The following MPP7 variants were observed in gnomAD, a reference collection of about 807,000 sequenced individuals.
MPP7 encodes the protein MAGUK p55 subfamily member 7.
In MPP7, 60 loss-of-function variants were observed where a neutral mutation model predicts 76.5. That is an observed-to-expected ratio of 0.78 (90% CI 0.64 to 0.97). MPP7 has a LOEUF of 0.97. Among genes scored for constraint, MPP7 ranks in the 50% least tolerant of loss-of-function variants. The probability of loss-of-function intolerance (pLI) is 0.00; values close to 1 mark genes in which losing one functional copy is unlikely to be tolerated. For missense variants in MPP7, 641 were observed against 694.0 expected, an observed-to-expected ratio of 0.92 and a Z score of 0.86; for synonymous variants, 237 against 244.5, an observed-to-expected ratio of 0.97 and a Z score of 0.29.
chr10:28,193,743 C>A (rs73608066), intron 3 of MPP7, among the ~76,000 whole-genome samples: 2,890 of 151,778 alleles, frequency 0.019, 89 homozygotes, highest in African/African-American at 0.066. Context: ...TAAAAATAAG[C>A]AAAAAATCTG....
intron 2 of MPP7, among the ~76,000 whole-genome samples, chr10:28,318,738 A>G (rs1036121047): frequency 3.3e-5 from 5 of 152,320 alleles, no homozygotes; most frequent in African/African-American, 1.2e-4. Flanking sequence ...AAGTACTCTT[A>G]GATACATAGC....
intron 1 of MPP7, among the ~76,000 whole-genome samples, chr10:28,246,390 TAAAC>T (rs1249128029): frequency 1.3e-5 from 2 of 151,954 alleles, no homozygotes; most frequent in African/African-American, 2.4e-5. Context: ...CCTTCCCAAA[TAAAC>T]AAAAGCTGAG....
At chr10:28,233,355 G>A (rs748563239) in intron 2 of MPP7, among the ~76,000 whole-genome samples, 13 of 152,262 alleles carry the variant, frequency 8.5e-5, no homozygotes, top group Admixed American at 1.3e-4. Flanking sequence ...GTGTGTTTAC[G>A]CATGGGTTAA....
chr10:28,140,763 T>C (rs948636505), intron 5 of MPP7, among the ~76,000 whole-genome samples: 11 of 152,130 alleles, frequency 7.2e-5, no homozygotes, highest in African/African-American at 2.4e-4. Context: ...CTGGAAGAGC[T>C]TGAAAGCTGG....
chr10:28,196,797 C>T (rs1046769003), intron 3 of MPP7, among the ~76,000 whole-genome samples: 9 of 152,160 alleles, frequency 5.9e-5, no homozygotes, highest in Admixed American at 5.2e-4. Flanking sequence ...AAATCAGTGG[C>T]TCTTCCAACA....
intron 3 of MPP7, among the ~76,000 whole-genome samples, chr10:28,186,566 C>T (rs2985535): frequency 0.82 from 125,546 of 152,182 alleles, 52,411 homozygotes; most frequent in African/African-American, 0.89. Context: ...AATGGTTCTA[C>T]AATTTGCTGT....
chr10:28,098,117 T>C (rs1357031949), intron 11 of MPP7, among the ~76,000 whole-genome samples: 1 of 152,102 alleles, frequency 6.6e-6, no homozygotes, highest in African/African-American at 2.4e-5. Flanking sequence ...TATAGATAAA[T>C]ATTATAACTA....
At chr10:28,089,590 T>A (rs1267737085) in intron 12 of MPP7, 81 bp downstream of exon 12, 1 of 1,342,068 alleles carries the variant, frequency 7.5e-7, no homozygotes, top group African/African-American at 1.5e-5. Flanking sequence ...GCTTGAAAAC[T>A]TCAAGTATGA....
intron 12 of MPP7, among the ~76,000 whole-genome samples, chr10:28,072,467 T>C (rs1322595263): frequency 6.6e-6 from 1 of 152,184 alleles, no homozygotes; most frequent in Non-Finnish European, 1.5e-5. Flanking sequence ...TACATCCCTC[T>C]ACCCATCAGC....
intron 5 of MPP7, among the ~76,000 whole-genome samples, chr10:28,135,906 G>T (rs989369547): frequency 6.6e-6 from 1 of 152,150 alleles, no homozygotes; most frequent in African/African-American, 2.4e-5. Flanking sequence ...TGACCTGTTA[G>T]GAACCAGGCC....
At chr10:28,289,091 G>C (rs1840852139) in intron 1 of MPP7, among the ~76,000 whole-genome samples, 1 of 152,068 alleles carries the variant, frequency 6.6e-6, no homozygotes, top group African/African-American at 2.4e-5. Flanking sequence ...TTTGAGGTCA[G>C]GAGTTCGAGA....
chr10:28,167,668 G>C (rs1836530271), intron 3 of MPP7, among the ~76,000 whole-genome samples: 1 of 149,088 alleles, frequency 6.7e-6, no homozygotes, highest in South Asian at 2.3e-4. Context: ...TCTTGTAAAA[G>C]TTTGCTGGTA....
At chr10:28,120,094 G>T (rs1834783835) in intron 10 of MPP7, 100 bp downstream of exon 10, 3 of 1,285,990 alleles carry the variant, frequency 2.3e-6, no homozygotes, top group South Asian at 1.6e-5. Context: ...TCTAAGGCAA[G>T]GTTTTATAGC....
In MPP7 at chr10:28,054,194, T is replaced by C. The variant is rs749707665; in HGVS notation, c.1602A>G (p.Gln534=). The part of the protein sequence containing the change: ...MIKSAQIMES[Q]YGHLFDKIII... ...TAATTTTGTCAAAAAGATGACCATA[T>C]TGACTTTCCATTATCTGTGCAGATT... The change falls in exon 17 of 17, where the codon CAA becomes CAG. Residue 534 remains glutamine (Q), a synonymous_variant. Transcript: ENST00000683449. The C allele has an allele frequency of 1.9e-6, 3 of 1,601,422 alleles. No individual in the cohort carries two copies. The highest frequency in any genetic ancestry group is 2.2e-5 in the East Asian group (1 of 44,798).
In MPP7 at chr10:28,147,581, T is replaced by C; in HGVS notation, c.235-18A>G. 6.2e-7 allele frequency: 1 copy of C among 1,611,182 alleles called. No individual in the cohort carries two copies. Among genetic ancestry groups the C allele is most frequent in the Non-Finnish European group, 8.5e-7 (1 of 1,177,390 alleles). Reference sequence around the variant, plus strand: ...TCGGCCAGCTGCAACGGAGATTACATTGACTTAAAGAACATTTAGTAAGAG... The same window carrying C: ...TCGGCCAGCTGCAACGGAGATTACACTGACTTAAAGAACATTTAGTAAGAG... On this transcript the variant is annotated intron_variant, in intron 4 of 16. Coordinates refer to ENST00000683449, the MANE Select transcript of MPP7 (RefSeq NM_001318170.2).
chr10:28,173,088 A>G (rs1433669343), intron 3 of MPP7, among the ~76,000 whole-genome samples: 1 of 152,118 alleles, frequency 6.6e-6, no homozygotes, highest in Non-Finnish European at 1.5e-5. Context: ...GGGAGGAACA[A>G]CAGTGGCAAA....
intron 3 of MPP7, among the ~76,000 whole-genome samples, chr10:28,184,312 A>G (rs1450299727): frequency 1.3e-5 from 2 of 148,232 alleles, no homozygotes; most frequent in Non-Finnish European, 3.0e-5. Flanking sequence ...ATATTTATAC[A>G]TTAAAATATA....
At chr10:28,272,922 G>C (rs1482625836) in intron 1 of MPP7, among the ~76,000 whole-genome samples, 1 of 151,740 alleles carries the variant, frequency 6.6e-6, no homozygotes, top group African/African-American at 2.4e-5. Flanking sequence ...TTTTTTGTTT[G>C]TTTGTTTGTT....
intron 11 of MPP7, among the ~76,000 whole-genome samples, chr10:28,096,303 C>A (rs890068840): frequency 3.3e-5 from 5 of 152,132 alleles, no homozygotes; most frequent in African/African-American, 1.2e-4. Context: ...CCCATTTCAC[C>A]ATTCTCTCAT....
Sources: gnomAD v4.1 joint callset for allele counts (sites outside exome capture counted in the v4.1 genomes callset) on GRCh38, gnomAD v4.1.1 for gene constraint, MANE v1.5 for transcripts, NCBI Gene and HGNC (gene_info 2026-07-23, HGNC 2026-07-21) for gene names.